SKA2: variants seen among roughly 807,000 people sequenced by gnomAD.
The protein encoded by SKA2 is spindle and kinetochore associated complex subunit 2, also known as spindle and kinetochore-associated protein 2.
In SKA2, 13 loss-of-function variants were observed where a neutral mutation model predicts 16.9. That is an observed-to-expected ratio of 0.77 (90% confidence interval 0.50 to 1.22). The LOEUF is 1.22. SKA2 is among the 50% of genes most tolerant of loss of function. The probability of loss-of-function intolerance (pLI) is 0.00; values close to 1 mark genes in which losing one functional copy is unlikely to be tolerated. For synonymous variants in SKA2, 47 were observed against 48.5 expected, an observed-to-expected ratio of 0.97 and a Z score of 0.13; for missense variants, 107 against 139.7, an observed-to-expected ratio of 0.77 and a Z score of 1.18.
Position 59,116,932 on chromosome 17 carries a change from C to T in SKA2, c.297+2387G>A, listed in dbSNP as rs535514882. Among the ~76,000 whole-genome samples, 111 of 149,864 alleles carry T rather than the reference C, an allele frequency of 7.4e-4. 2 individuals are homozygous for T. Among genetic ancestry groups the T allele is most frequent in the South Asian group, 2.1e-4 (1 of 4,728 alleles). On this transcript the variant is annotated intron_variant, in intron 3 of 3. Coordinates refer to ENST00000330137, the MANE Select transcript of SKA2 (RefSeq NM_182620.4). ...TCCCAGGTTCAAGCGATTCCCGTCT[C>T]AGCCTCCCGAGTAGCTGGTACTACA...
intron 1 of SKA2, among the ~76,000 whole-genome samples, chr17:59,142,468 T>C (rs1272033168): frequency 6.6e-6 from 1 of 151,800 alleles, no homozygotes; most frequent in African/African-American, 2.4e-5. Flanking sequence ...TTTTGTATAT[T>C]TAGTAGAGAT....
intron 2 of SKA2, among the ~76,000 whole-genome samples, chr17:59,129,953 G>C (rs1483520756): frequency 7.2e-6 from 1 of 138,330 alleles, no homozygotes; most frequent in Non-Finnish European, 1.6e-5. Flanking sequence ...AAGAGGGAAG[G>C]AGGGAAGGAA....
At chr17:59,154,914 CCCG>C (rs1359841948) in intron 1 of SKA2, 2 of 1,604,526 alleles carry the variant, frequency 1.2e-6, no homozygotes, top group South Asian at 1.1e-5. Flanking sequence ...CTCAGCATCT[CCCG>C]CCATTTCCCT....
At chr17:59,115,499 A>G (rs1015393215) in intron 3 of SKA2, among the ~76,000 whole-genome samples, 3 of 152,194 alleles carry the variant, frequency 2.0e-5, no homozygotes, top group African/African-American at 7.2e-5. Flanking sequence ...GGATAAACTG[A>G]AAAACAATCA....
At chr17:59,123,044 AGAAAAGAAAAG>A in intron 2 of SKA2, among the ~76,000 whole-genome samples, 1 of 150,780 alleles carries the variant, frequency 6.6e-6, no homozygotes, top group African/African-American at 2.4e-5. Flanking sequence ...AAAAAAGAAA[AGAAAAGAAAAG>A]AAAAACTAAG....
chr17:59,132,494 T>C (rs1367448942), intron 1 of SKA2, among the ~76,000 whole-genome samples: 3 of 152,150 alleles, frequency 2.0e-5, no homozygotes, highest in Non-Finnish European at 2.9e-5. Context: ...CAAAACCCCA[T>C]CTCTACTAAA....
intron 1 of SKA2, among the ~76,000 whole-genome samples, chr17:59,154,367 C>A (rs554028495): frequency 2.5e-4 from 38 of 152,064 alleles, no homozygotes; most frequent in African/African-American, 9.2e-4. Context: ...CAGCTGGGCG[C>A]CCCCCGAGCA....
At chr17:59,151,200 A>G (rs1362753055) in intron 1 of SKA2, 1 of 511,392 alleles carries the variant, frequency 2.0e-6, no homozygotes, top group Non-Finnish European at 4.1e-6. Flanking sequence ...AGTGCAATAA[A>G]GTCAGAGCAT....
chr17:59,136,568 G>A (rs1419115447), intron 1 of SKA2, among the ~76,000 whole-genome samples: 11 of 148,012 alleles, frequency 7.4e-5, no homozygotes, highest in Admixed American at 7.4e-4. Flanking sequence ...TTTTTTGTTT[G>A]AGACGGAGTC....
chr17:59,138,742 T>C (rs1466343687), intron 1 of SKA2, among the ~76,000 whole-genome samples: 3 of 152,082 alleles, frequency 2.0e-5, no homozygotes, highest in Non-Finnish European at 4.4e-5. Flanking sequence ...TGTTCTAGTC[T>C]AGTTTTCAAT....
intron 1 of SKA2, among the ~76,000 whole-genome samples, chr17:59,144,520 T>C (rs1691617167): frequency 6.6e-6 from 1 of 152,128 alleles, no homozygotes; most frequent in Non-Finnish European, 1.5e-5. Context: ...CGAGTGTCCA[T>C]GGAGGGATGA....
chr17:59,131,479 C>A, intron 1 of SKA2, 112 bp from the exon 2 acceptor site: 3 of 560,990 alleles, frequency 5.3e-6, no homozygotes, highest in East Asian at 3.2e-5. Flanking sequence ...GTGATACATA[C>A]TCATTTGAAA....
chr17:59,130,535 C>A (rs2046405448), intron 2 of SKA2, among the ~76,000 whole-genome samples: 1 of 148,724 alleles, frequency 6.7e-6, no homozygotes, highest in South Asian at 2.1e-4. Context: ...GAGACTGAGG[C>A]AAGAGAATCG....
rs527711176 is a variant in SKA2, at chr17:59,148,000, A to G, written c.33+7131T>C. On this transcript the variant is annotated intron_variant, in intron 1 of 3. Transcript: ENST00000330137. ...TGGGATTACAGGGGCACACCACTGCACTAGGCTAATTTTTTGTATTTTTAG... is the reference window on the plus strand; with the variant it reads ...TGGGATTACAGGGGCACACCACTGCGCTAGGCTAATTTTTTGTATTTTTAG... 3.3e-5 allele frequency among the ~76,000 whole-genome samples: 5 copies of G among 152,004 alleles called. No homozygotes were observed. In the East Asian group the frequency reaches 5.8e-4, roughly 18 times the overall value.
intron 1 of SKA2, chr17:59,151,346 G>C (rs1467955892): frequency 2.5e-6 from 1 of 400,952 alleles, no homozygotes; most frequent in African/African-American, 2.2e-5. Context: ...TTATATCAAT[G>C]TTTTTTTAAA....
At position 59,110,216 on chromosome 17, in the gene SKA2, A is replaced by C. The variant is rs933486677; in HGVS notation, c.*2061T>G. 3 of 152,202 alleles carry C rather than the reference A, an allele frequency of 2.0e-5. No homozygotes were observed. Among genetic ancestry groups the C allele is most frequent in the African/African-American group, 7.2e-5 (3 of 41,460 alleles). The allele number at this position is 152,202 out of a possible 1,614,324, so 9.4% of individuals were successfully genotyped here. ...TGTATTGAGAAGTGCATAGAGAACA[A>C]TGTTAAGGGGGCTGTGGGGAAAAAA... is the stretch of plus-strand genomic sequence containing the variant. On this transcript the variant is annotated 3_prime_UTR_variant, in exon 4 of 4. Coordinates refer to ENST00000330137, the MANE Select transcript of SKA2 (RefSeq NM_182620.4).
chr17:59,145,804 C>A (rs987376397), intron 1 of SKA2, among the ~76,000 whole-genome samples: 1 of 151,850 alleles, frequency 6.6e-6, no homozygotes, highest in Non-Finnish European at 1.5e-5. Context: ...GTTTGGGCAA[C>A]AAAGGGAAAC....
intron 1 of SKA2, among the ~76,000 whole-genome samples, chr17:59,139,640 G>T (rs1306904539): frequency 1.3e-5 from 2 of 152,028 alleles, no homozygotes; most frequent in Admixed American, 6.6e-5. Context: ...GTCAGCCACT[G>T]CACCCGGCCA....
intron 2 of SKA2, among the ~76,000 whole-genome samples, chr17:59,125,909 C>T (rs922008070): frequency 6.6e-6 from 1 of 152,026 alleles, no homozygotes; most frequent in Non-Finnish European, 1.5e-5. Context: ...TGGTGGCTCA[C>T]GCCTGTAATC....
Sources: allele counts gnomAD v4.1 joint callset (sites outside exome capture counted in the v4.1 genomes callset), GRCh38; gene constraint gnomAD v4.1.1; transcripts MANE v1.5; gene names NCBI Gene and HGNC (gene_info 2026-07-23, HGNC 2026-07-21).